The following C8orf34 variants were observed in gnomAD, a reference collection of about 807,000 sequenced individuals.
The protein encoded by C8orf34 is uncharacterized protein C8orf34.
Under a neutral mutation model 68.3 loss-of-function variants are expected in C8orf34, and 65 were observed. That is an observed-to-expected ratio of 0.95 (90% confidence interval 0.78 to 1.17). C8orf34 has a LOEUF of 1.17. C8orf34 is among the 50% of genes most tolerant of loss of function. C8orf34 has a pLI of 0.00. For missense variants in C8orf34, 664 were observed against 655.4 expected, an observed-to-expected ratio of 1.01 and a Z score of -0.14; for synonymous variants, 244 against 241.2, an observed-to-expected ratio of 1.01 and a Z score of -0.11.
chr8:68,452,218 G>A (rs1044572121), intron 3 of C8orf34, among the ~76,000 whole-genome samples: 1 of 149,950 alleles, frequency 6.7e-6, no homozygotes, highest in Non-Finnish European at 1.5e-5. Context: ...TCATTATTTG[G>A]ATAATAATTG....
chr8:68,422,064 C>T (rs1217481354), intron 1 of C8orf34, among the ~76,000 whole-genome samples: 1 of 152,164 alleles, frequency 6.6e-6, no homozygotes, highest in Non-Finnish European at 1.5e-5. Context: ...ATGGGGATTA[C>T]AATTCAAGGT....
chr8:68,360,752 C>CTTTTTTTTT (rs1319672272), intron 1 of C8orf34, among the ~76,000 whole-genome samples: 9 of 144,188 alleles, frequency 6.2e-5, no homozygotes, highest in African/African-American at 2.4e-4. Flanking sequence ...CCTTTTCTTC[C>CTTTTTTTTT]TTTCTTTTTT....
At chr8:68,429,315 T>C (rs947261874) in intron 1 of C8orf34, among the ~76,000 whole-genome samples, 7 of 152,172 alleles carry the variant, frequency 4.6e-5, no homozygotes, top group Admixed American at 6.6e-5. Context: ...CTAAATTCCA[T>C]TGGTAATCAT....
chr8:68,566,665 C>A (rs979715000), intron 7 of C8orf34, among the ~76,000 whole-genome samples: 11 of 152,120 alleles, frequency 7.2e-5, no homozygotes, highest in Non-Finnish European at 1.3e-4. Context: ...TTGCTCTGAA[C>A]CAGGCATTGG....
intron 1 of C8orf34, among the ~76,000 whole-genome samples, chr8:68,400,449 T>C (rs1439818343): frequency 6.6e-6 from 1 of 152,152 alleles, no homozygotes; most frequent in Admixed American, 6.6e-5. Flanking sequence ...GAAAAGGATA[T>C]CCTTTCCCTA....
intron 4 of C8orf34, among the ~76,000 whole-genome samples, chr8:68,486,734 C>T (rs1813095026): frequency 6.6e-6 from 1 of 152,192 alleles, no homozygotes; most frequent in Non-Finnish European, 1.5e-5. Flanking sequence ...CTGTAACTCA[C>T]TCTTTCTACT....
chr8:68,490,939 A>G (rs773446196), intron 5 of C8orf34, among the ~76,000 whole-genome samples: 56 of 152,334 alleles, frequency 3.7e-4, no homozygotes, highest in Non-Finnish European at 7.2e-4. Context: ...AAAAACAGCC[A>G]ATCGGAATGG....
chr8:68,569,046 T>C (rs1382332271), intron 7 of C8orf34, among the ~76,000 whole-genome samples: 1 of 152,262 alleles, frequency 6.6e-6, no homozygotes, highest in Non-Finnish European at 1.5e-5. Context: ...GTAGACTGTC[T>C]GTTTTCTCTT....
intron 8 of C8orf34, among the ~76,000 whole-genome samples, chr8:68,680,014 G>C (rs1346349091): frequency 1.3e-5 from 2 of 152,088 alleles, no homozygotes; most frequent in Admixed American, 1.3e-4. Flanking sequence ...ACTGGACTGG[G>C]CAAAAATATC....
chr8:68,648,510 T>C lies in C8orf34; in HGVS notation c.1241+7999T>C, dbSNP rs544933470. ...CCACCCACTAATTCTATCTACCCAC[T>C]GCCATTCTCAAGAGTTAAATCTTGT... On this transcript the variant is annotated intron_variant, in intron 8 of 13. Coordinates refer to ENST00000518698, the MANE Select transcript of C8orf34 (RefSeq NM_052958.4). Among the ~76,000 whole-genome samples the C allele has an allele frequency of 1.2e-4, 19 of 152,320 alleles. 1 individual carries two copies. In the South Asian group the frequency reaches 3.7e-3, roughly 30 times the overall value.
intron 1 of C8orf34, among the ~76,000 whole-genome samples, chr8:68,398,166 T>C (rs984151956): frequency 1.3e-5 from 2 of 152,150 alleles, no homozygotes; most frequent in African/African-American, 4.8e-5. Context: ...ATAACACAAG[T>C]AAAGCAATGT....
rs1807361468 is a variant in C8orf34, at chr8:68,367,907, GAAAAGA to G, written c.327+36573_327+36578del. 1.0e-3 allele frequency among the ~76,000 whole-genome samples: 15 copies of G among 15,028 alleles called. No individual in the cohort carries two copies. In the South Asian group the frequency reaches 0.015, roughly 15 times the overall value. 9.9% of individuals were successfully genotyped at this position (15,028 alleles called of 152,430 possible). ...TAAAACCTAAAGTATAATAAAAAAA[GAAAAGA>G]AAAAAAAAAAAAAAAAAAAAAAAAG... On this transcript the variant is annotated intron_variant, in intron 1 of 13. Coordinates refer to ENST00000518698, the MANE Select transcript of C8orf34 (RefSeq NM_052958.4).
chr8:68,546,319 A>G (rs1316719648), intron 7 of C8orf34, among the ~76,000 whole-genome samples: 1 of 151,984 alleles, frequency 6.6e-6, no homozygotes, highest in African/African-American at 2.4e-5. Context: ...GCTCACTATA[A>G]GATTCACACT....
chr8:68,381,320 T>C (rs1438034914), intron 1 of C8orf34, among the ~76,000 whole-genome samples: 1 of 152,234 alleles, frequency 6.6e-6, no homozygotes. Flanking sequence ...GATGCTTACA[T>C]CTCATATATG....
chr8:68,441,974 T>C (rs1181533691), intron 2 of C8orf34, among the ~76,000 whole-genome samples: 2 of 152,144 alleles, frequency 1.3e-5, no homozygotes, highest in Non-Finnish European at 2.9e-5. Flanking sequence ...TGGATGTGAG[T>C]CTAAAGCTTT....
At chr8:68,702,237 C>T (rs1356901111) in intron 8 of C8orf34, among the ~76,000 whole-genome samples, 2 of 152,198 alleles carry the variant, frequency 1.3e-5, no homozygotes, top group South Asian at 2.1e-4. Flanking sequence ...CTCCTTACTC[C>T]GTGCTTCTGC....
chr8:68,557,420 TGCTTCC>T, intron 7 of C8orf34, among the ~76,000 whole-genome samples: 1 of 152,226 alleles, frequency 6.6e-6, no homozygotes, highest in Non-Finnish European at 1.5e-5. Context: ...TCTTACAAAT[TGCTTCC>T]TAAAGATACC....
chr8:68,539,626 TG>T (rs1260764545), intron 7 of C8orf34, among the ~76,000 whole-genome samples: 4 of 151,954 alleles, frequency 2.6e-5, no homozygotes. Flanking sequence ...CCGAGGCAGG[TG>T]GATCACCTGA....
chr8:68,786,025 T>C (rs1823835084), intron 11 of C8orf34, among the ~76,000 whole-genome samples: 2 of 152,218 alleles, frequency 1.3e-5, no homozygotes, highest in Admixed American at 6.5e-5. Context: ...TATCAAGGGT[T>C]GTGGAACTTT....
Sources: gnomAD v4.1 joint callset for allele counts (sites outside exome capture counted in the v4.1 genomes callset) on GRCh38, gnomAD v4.1.1 for gene constraint, MANE v1.5 for transcripts, NCBI Gene and HGNC (gene_info 2026-07-23, HGNC 2026-07-21) for gene names.